Variants in RSPH3 observed in about 807,000 individuals in gnomAD.
RSPH3 encodes radial spoke head protein 3 homolog.
Under a neutral mutation model 43.8 loss-of-function variants are expected in RSPH3, and 21 were observed. That is an observed-to-expected ratio of 0.48 (90% CI 0.34 to 0.69). RSPH3 has a LOEUF of 0.69. Among genes scored for constraint, RSPH3 ranks in the 30% least tolerant of loss-of-function variants. The pLI is 0.01. For synonymous variants in RSPH3, 173 were observed against 179.8 expected, an observed-to-expected ratio of 0.96 and a Z score of 0.30; for missense variants, 487 against 516.0, an observed-to-expected ratio of 0.94 and a Z score of 0.54.
chr6:158,993,178 T>C (rs1778476601), intron 2 of RSPH3, among the ~76,000 whole-genome samples: 1 of 151,962 alleles, frequency 6.6e-6, no homozygotes, highest in African/African-American at 2.4e-5. Flanking sequence ...AGTGCAGTGG[T>C]GCGATCTCGG....
chr6:158,989,233 C>T lies in RSPH3; in HGVS notation c.205-2812G>A, dbSNP rs935659896. ...GGCTAATTTTTGTATTTTTAGTAGA[C>T]GTGGGGTTTCATCATATTGGTCAGG... On this transcript the variant is annotated intron_variant, in intron 2 of 7. Coordinates refer to ENST00000367069, the MANE Select transcript of RSPH3 (RefSeq NM_031924.8). This position sits in a 1 kb window ranked among gnomAD's most constrained non-coding sequence, Gnocchi z 4.3. 2.0e-5 allele frequency among the ~76,000 whole-genome samples: 3 copies of T among 151,708 alleles called. No homozygotes were observed. Among genetic ancestry groups the T allele is most frequent in the Non-Finnish European group, 2.9e-5 (2 of 67,844 alleles).
rs1199252275 is a variant in RSPH3 at position 158,975,798 on chromosome 6, G to T, written c.*1740C>A. ...ATTTTTTAAATGTGGATACATTCTT[G>T]GTACCTAACTTAAAAGAAATTAAGG... is the stretch of plus-strand genomic sequence containing the variant. On this transcript the variant is annotated 3_prime_UTR_variant, in exon 8 of 8. Coordinates refer to ENST00000367069, the MANE Select transcript of RSPH3 (RefSeq NM_031924.8). The T allele has an allele frequency of 6.6e-6, 1 of 152,082 alleles. No individual in the cohort carries two copies. Among genetic ancestry groups the T allele is most frequent in the Non-Finnish European group, 1.5e-5 (1 of 68,026 alleles). The allele number at this position is 152,082 out of a possible 1,614,324, so 9.4% of individuals were successfully genotyped here.
intron 2 of RSPH3, chr6:158,988,093 T>C (rs753735370): frequency 3.3e-5 from 5 of 152,212 alleles, no homozygotes; most frequent in Non-Finnish European, 7.3e-5. Flanking sequence ...TTTATTTGTC[T>C]AGGAAAGACT....
chr6:158,972,323 C>A (rs1425163549), downstream of RSPH3, among the ~76,000 whole-genome samples: 1 of 152,070 alleles, frequency 6.6e-6, no homozygotes, highest in Non-Finnish European at 1.5e-5. Context: ...ACTAACTGAC[C>A]ATCTGTTAAG....
intron 1 of RSPH3, among the ~76,000 whole-genome samples, chr6:158,994,325 G>A (rs1420914228): frequency 6.6e-6 from 1 of 152,110 alleles, no homozygotes; most frequent in Non-Finnish European, 1.5e-5. Context: ...ACTGAAAAAA[G>A]CTTGATTCAA....
intron 6 of RSPH3, 47 bp from the exon 7 acceptor site, chr6:158,978,393 A>C (rs1318721817): frequency 1.0e-6 from 1 of 956,634 alleles, no homozygotes; most frequent in African/African-American, 1.6e-5. Flanking sequence ...CAGAGGAATA[A>C]TGCGCTTTTC....
At position 158,978,366 on chromosome 6, in the gene RSPH3, T is replaced by C; in HGVS notation, c.860-20A>G. ...CAATATCTGTAATAAAAGAATTCAT[T>C]GATTTTCATGTATTATCAGAGGAAT... On this transcript the variant is annotated intron_variant, in intron 6 of 7. Transcript: ENST00000367069. 8.6e-7 allele frequency: 1 copy of C among 1,162,006 alleles called. No individual in the cohort carries two copies. Among genetic ancestry groups the C allele is most frequent in the East Asian group, 2.4e-5 (1 of 42,528 alleles). The allele number at this position is 1,162,006 out of a possible 1,614,324, so 72.0% of individuals were successfully genotyped here.
the RSPH3 span, among the ~76,000 whole-genome samples, chr6:158,965,413 T>C: frequency 6.6e-6 from 1 of 152,164 alleles, no homozygotes; most frequent in Non-Finnish European, 1.5e-5. Flanking sequence ...CCAACATGAA[T>C]ATGTAATGTC....
intron 2 of RSPH3, among the ~76,000 whole-genome samples, chr6:158,990,761 A>T (rs1778378315): frequency 6.6e-6 from 1 of 151,948 alleles, no homozygotes; most frequent in Non-Finnish European, 1.5e-5. Flanking sequence ...CCTTTTGCCA[A>T]ATTTGTGGAA....
intron 1 of RSPH3, among the ~76,000 whole-genome samples, chr6:158,997,631 C>T (rs1203154105): frequency 1.3e-5 from 2 of 152,100 alleles, no homozygotes; most frequent in African/African-American, 4.8e-5. Flanking sequence ...TACTAATAAA[C>T]TAATCAATAG....
rs1174896292 is a variant in RSPH3, at chr6:158,989,118, C to G, written c.205-2697G>C. Among the ~76,000 whole-genome samples the G allele has an allele frequency of 1.3e-5, 2 of 151,992 alleles. No individual in the cohort carries two copies. Among genetic ancestry groups the G allele is most frequent in the Non-Finnish European group, 2.9e-5 (2 of 68,010 alleles). On this transcript the variant is annotated intron_variant, in intron 2 of 7. Coordinates refer to ENST00000367069, the MANE Select transcript of RSPH3 (RefSeq NM_031924.8). The surrounding 1 kb of genome is among the most constrained non-coding windows in gnomAD (Gnocchi z 4.3). ...CTGGAGTGCAGTGGTGTGATCTTGG[C>G]TCACTGCAACCTCTGCCTCCTGGGT...
At chr6:158,981,792 C>T (rs575216709) in intron 5 of RSPH3, among the ~76,000 whole-genome samples, 17 of 152,194 alleles carry the variant, frequency 1.1e-4, no homozygotes, top group South Asian at 1.0e-3. Flanking sequence ...TTTTTCTTAA[C>T]TGTTTCAGGT....
chr6:158,977,955 A>G lies in RSPH3; in HGVS notation c.947-107T>C, dbSNP rs73796824. On this transcript the variant is annotated intron_variant, in intron 7 of 7. Transcript: ENST00000367069. ...ATTACAAAAACCTTCACGAAGCCTCATCTCTTTCCTATGTCATAACCTTTT... is the reference window on the plus strand; with the variant it reads ...ATTACAAAAACCTTCACGAAGCCTCGTCTCTTTCCTATGTCATAACCTTTT... The G allele has an allele frequency of 4.1e-3, 3,881 of 935,990 alleles. 105 individuals carry two copies. The African/African-American group carries it at 0.057, about 14-fold the overall frequency. The allele number at this position is 935,990 out of a possible 1,614,324, so 58.0% of individuals were successfully genotyped here. A position where few individuals can be genotyped will look rare whatever the true frequency, so the allele number is the denominator to read the frequency against.
rs961682087 is a variant in RSPH3, at chr6:158,977,470, C to T, written c.*68G>A. ...ATAATTTCTATAACCTGAGGGGACTCGCACATCATTACCTGATTGCTTGCT... is the reference window on the plus strand; with the variant it reads ...ATAATTTCTATAACCTGAGGGGACTTGCACATCATTACCTGATTGCTTGCT... On this transcript the variant is annotated 3_prime_UTR_variant, in exon 8 of 8. Coordinates refer to ENST00000367069, the MANE Select transcript of RSPH3 (RefSeq NM_031924.8). The T allele has an allele frequency of 2.3e-5, 32 of 1,371,604 alleles. No homozygotes were observed. Among genetic ancestry groups the T allele is most frequent in the African/African-American group, 4.3e-5 (3 of 69,330 alleles). 85.0% of individuals were successfully genotyped at this position (1,371,604 alleles called of 1,614,324 possible).
At chr6:158,984,197 A>G (rs1190290219) in intron 3 of RSPH3, among the ~76,000 whole-genome samples, 2 of 151,942 alleles carry the variant, frequency 1.3e-5, no homozygotes, top group Non-Finnish European at 2.9e-5. Flanking sequence ...AGCTCCTTCA[A>G]AACATATTTA....
intron 3 of RSPH3, among the ~76,000 whole-genome samples, chr6:158,985,764 T>C (rs116070888): frequency 0.012 from 1,821 of 151,838 alleles, 41 homozygotes; most frequent in African/African-American, 0.042. Context: ...CTTCCAGCCA[T>C]ATCCACTATG....
chr6:158,994,684 A>T (rs1251182882), intron 1 of RSPH3, among the ~76,000 whole-genome samples: 1 of 152,114 alleles, frequency 6.6e-6, no homozygotes, highest in African/African-American at 2.4e-5. Flanking sequence ...AATAAAATAA[A>T]ATATTAATTT....
chr6:158,970,799 C>A (rs1777686850), downstream of RSPH3, among the ~76,000 whole-genome samples: 1 of 152,148 alleles, frequency 6.6e-6, no homozygotes, highest in South Asian at 2.1e-4. Flanking sequence ...GATTCACCTG[C>A]CTTGGCCTGC....
intron 2 of RSPH3, among the ~76,000 whole-genome samples, chr6:158,990,886 CTTTT>C (rs372007100): frequency 3.8e-5 from 5 of 132,154 alleles, no homozygotes; most frequent in Admixed American, 7.3e-5. Flanking sequence ...CTCTCTCAGC[CTTTT>C]TTTTTTTTTT....
Sources: allele counts gnomAD v4.1 joint callset (sites outside exome capture counted in the v4.1 genomes callset), GRCh38; gene constraint gnomAD v4.1.1; non-coding constraint Gnocchi (gnomAD v3.1); transcripts MANE v1.5; gene names NCBI Gene and HGNC (gene_info 2026-07-23, HGNC 2026-07-21).